The following VGLL4 variants were observed in gnomAD, a reference collection of about 807,000 sequenced individuals.
VGLL4 encodes vestigial like family member 4.
In VGLL4, 7 loss-of-function variants were observed where a neutral mutation model predicts 21.0. The observed-to-expected ratio is 0.33, with a 90% confidence interval of 0.19 to 0.63. VGLL4 has a LOEUF of 0.63. Among genes scored for constraint, VGLL4 ranks in the 20% least tolerant of loss-of-function variants. The probability of loss-of-function intolerance (pLI) is 0.78; values close to 1 mark genes in which losing one functional copy is unlikely to be tolerated. For synonymous variants in VGLL4, 222 were observed against 173.2 expected (o/e 1.28, Z -2.21); for missense variants, 394 against 425.7 (o/e 0.93, Z 0.66).
chr3:11,613,612 G>A (rs146851192), intron 1 of VGLL4, among the ~76,000 whole-genome samples: 33 of 152,286 alleles, frequency 2.2e-4, no homozygotes, highest in African/African-American at 7.2e-4. Flanking sequence ...CTCTACCAGT[G>A]ACAGAGAAAC....
chr3:11,602,356 A>T (rs2074826559), intron 1 of VGLL4, among the ~76,000 whole-genome samples: 1 of 152,230 alleles, frequency 6.6e-6, no homozygotes. Context: ...AGGTCTTTTC[A>T]CGTGTGGGTA....
chr3:11,692,603 C>G (rs903663770), intron 2 of VGLL4, among the ~76,000 whole-genome samples: 3 of 152,110 alleles, frequency 2.0e-5, no homozygotes, highest in Non-Finnish European at 4.4e-5. Context: ...CCTGTGGTGC[C>G]TGAAGCACTC....
chr3:11,668,420 CCAG>C (rs1386176203), intron 2 of VGLL4, among the ~76,000 whole-genome samples: 3 of 152,116 alleles, frequency 2.0e-5, no homozygotes, highest in Non-Finnish European at 4.4e-5. Flanking sequence ...CAGCCACCTA[CCAG>C]CAGCATCAGT....
Position 11,601,710 on chromosome 3 carries a change from T to C in VGLL4, c.272+123A>G, listed in dbSNP as rs551809905. The C allele has an allele frequency of 2.5e-5, 31 of 1,216,722 alleles. No homozygotes were observed. The South Asian group carries it at 4.0e-4, about 16-fold the overall frequency. The allele number at this position is 1,216,722 out of a possible 1,614,324, so 75.4% of individuals were successfully genotyped here. A position where few individuals can be genotyped will look rare whatever the true frequency, so the allele number is the denominator to read the frequency against. On this transcript the variant is annotated intron_variant, in intron 2 of 4. Coordinates refer to ENST00000430365, the MANE Select transcript of VGLL4 (RefSeq NM_001128219.3). ...GCAGATGAATACTATTTTTCTTTTG[T>C]AAATAATATCCTTTTCAAATAAAGT...
intron 3 of VGLL4, 119 bp downstream of exon 3, chr3:11,564,678 C>T (rs1185655183): frequency 8.0e-7 from 1 of 1,242,882 alleles, no homozygotes; most frequent in Non-Finnish European, 1.1e-6. Flanking sequence ...CACCACCTCC[C>T]TCCCTCACCA....
intron 2 of VGLL4, among the ~76,000 whole-genome samples, chr3:11,685,361 G>A (rs950508657): frequency 5.9e-5 from 9 of 152,098 alleles, no homozygotes; most frequent in African/African-American, 1.7e-4. Context: ...CCCACAGCTG[G>A]CTAATTTTTG....
chr3:11,627,703 G>C (rs958023334), intron 1 of VGLL4, among the ~76,000 whole-genome samples: 1 of 151,862 alleles, frequency 6.6e-6, no homozygotes, highest in African/African-American at 2.4e-5. Flanking sequence ...AGATGTGTAG[G>C]TTGTTACATT....
chr3:11,556,171 C>CAGAG lies in VGLL4; in HGVS notation c.*2381_*2384dup, dbSNP rs1422063408. ...TTCTTCTTCCAGGAAAAACAGGCCA[C>CAGAG]AGAGAATGGTATATTACAGATTTAC... On this transcript the variant is annotated 3_prime_UTR_variant, in exon 5 of 5. Coordinates refer to ENST00000430365, the MANE Select transcript of VGLL4 (RefSeq NM_001128219.3). 2 of 152,500 alleles carry CAGAG rather than the reference C, an allele frequency of 1.3e-5. No homozygotes were observed. The highest frequency in any genetic ancestry group is 2.4e-5 in the African/African-American group (1 of 41,372). 9.4% of individuals were successfully genotyped at this position (152,500 alleles called of 1,614,324 possible).
intron 2 of VGLL4, among the ~76,000 whole-genome samples, chr3:11,702,394 G>C (rs532198028): frequency 7.6e-5 from 11 of 145,076 alleles, no homozygotes; most frequent in South Asian, 2.2e-4. Flanking sequence ...CGGATCATTT[G>C]AGGTCAGGAG....
intron 2 of VGLL4, among the ~76,000 whole-genome samples, chr3:11,672,902 A>G (rs2125370120): frequency 6.6e-6 from 1 of 152,288 alleles, no homozygotes; most frequent in East Asian, 1.9e-4. Flanking sequence ...AAACGAGAAC[A>G]CTGAACTCTC....
chr3:11,679,460 G>A (rs1198667188), intron 2 of VGLL4, among the ~76,000 whole-genome samples: 3 of 152,136 alleles, frequency 2.0e-5, no homozygotes, highest in Non-Finnish European at 4.4e-5. Context: ...CGAGGCGGGC[G>A]GATCATGAGG....
At chr3:11,707,049 C>T (rs149769960) in intron 1 of VGLL4, among the ~76,000 whole-genome samples, 48 of 152,118 alleles carry the variant, frequency 3.2e-4, no homozygotes, top group African/African-American at 1.1e-3. Flanking sequence ...AGGCATGTGG[C>T]TCACGCCTAT....
At chr3:11,700,736 G>A (rs1411731719) in intron 2 of VGLL4, among the ~76,000 whole-genome samples, 1 of 152,214 alleles carries the variant, frequency 6.6e-6, no homozygotes, top group African/African-American at 2.4e-5. Flanking sequence ...CAGCTCTGGA[G>A]AGAGGTGATA....
rs2072630048 is a variant in VGLL4 at position 11,558,396 on chromosome 3, C to CA, written c.*159dup. On this transcript the variant is annotated 3_prime_UTR_variant, in exon 5 of 5. Coordinates refer to ENST00000430365, the MANE Select transcript of VGLL4 (RefSeq NM_001128219.3). ...CCCTTGTACGGATACCAAGCAAGTA[C>CA]AAAAACAGAACACAAATCCCAACAA... 2 of 1,256,806 alleles carry CA rather than the reference C, an allele frequency of 1.6e-6. No homozygotes were observed. Among genetic ancestry groups the CA allele is most frequent in the Non-Finnish European group, 2.1e-6 (2 of 935,720 alleles). 77.9% of individuals were successfully genotyped at this position (1,256,806 alleles called of 1,614,324 possible). A position where few individuals can be genotyped will look rare whatever the true frequency, so the allele number is the denominator to read the frequency against.
chr3:11,716,370 C>G (rs1049401337), intron 1 of VGLL4, among the ~76,000 whole-genome samples: 1 of 151,106 alleles, frequency 6.6e-6, no homozygotes, highest in Non-Finnish European at 1.5e-5. Context: ...AAAAAGCACA[C>G]TTGTTTACAG....
intron 1 of VGLL4, among the ~76,000 whole-genome samples, chr3:11,709,626 G>T: frequency 6.6e-6 from 1 of 150,950 alleles, no homozygotes. Context: ...TATTTTCTCT[G>T]CCAGTCCACA....
chr3:11,683,401 C>A (rs2076403107), intron 2 of VGLL4, among the ~76,000 whole-genome samples: 1 of 152,164 alleles, frequency 6.6e-6, no homozygotes. Context: ...AAAAGTAGAT[C>A]TGCCATTCAA....
At chr3:11,717,430 C>T (rs1233561267) in intron 1 of VGLL4, among the ~76,000 whole-genome samples, 1 of 151,062 alleles carries the variant, frequency 6.6e-6, no homozygotes, top group Non-Finnish European at 1.5e-5. Context: ...TTTTGGCAAC[C>T]ACCAGAGACT....
At chr3:11,642,576 C>A (rs954049327) in intron 1 of VGLL4, among the ~76,000 whole-genome samples, 1 of 152,232 alleles carries the variant, frequency 6.6e-6, no homozygotes, top group Non-Finnish European at 1.5e-5. Flanking sequence ...CGAACTCCCC[C>A]GGAGATGCCC....
Sources: gnomAD v4.1 joint callset for allele counts (sites outside exome capture counted in the v4.1 genomes callset) on GRCh38, gnomAD v4.1.1 for gene constraint, MANE v1.5 for transcripts, NCBI Gene and HGNC (gene_info 2026-07-23, HGNC 2026-07-21) for gene names.